Variants in GKAP1 observed in about 807,000 individuals in gnomAD.
GKAP1 encodes G kinase-anchoring protein 1.
Under a neutral mutation model 56.7 loss-of-function variants are expected in GKAP1, and 31 were observed. The observed-to-expected ratio is 0.55, with a 90% CI of 0.41 to 0.74. GKAP1 has a LOEUF of 0.74. Among genes scored for constraint, GKAP1 ranks in the 30% least tolerant of loss-of-function variants. The probability of loss-of-function intolerance (pLI) is 0.00; values close to 1 mark genes in which losing one functional copy is unlikely to be tolerated. For missense variants in GKAP1, 364 were observed against 402.3 expected (o/e 0.90, Z 0.82); for synonymous variants, 151 against 138.6 (o/e 1.09, Z -0.63).
intron 7 of GKAP1, among the ~76,000 whole-genome samples, chr9:83,775,146 G>A (rs1943836265): frequency 6.6e-6 from 1 of 152,030 alleles, no homozygotes; most frequent in African/African-American, 2.4e-5. Flanking sequence ...TGGGACTACA[G>A]GTGTGCACCA....
intron 2 of GKAP1, among the ~76,000 whole-genome samples, chr9:83,815,600 T>A (rs1944572259): frequency 6.8e-6 from 1 of 147,016 alleles, no homozygotes; most frequent in African/African-American, 2.6e-5. Context: ...ACACACACAA[T>A]TATACATATA....
At chr9:83,746,546 C>CA (rs1564187574) in intron 10 of GKAP1, among the ~76,000 whole-genome samples, 1 of 151,884 alleles carries the variant, frequency 6.6e-6, no homozygotes, top group African/African-American at 2.4e-5. Flanking sequence ...AGTAAAAATA[C>CA]AAAAAAATTA....
intron 3 of GKAP1, among the ~76,000 whole-genome samples, chr9:83,801,647 A>C (rs1380097466): frequency 6.6e-6 from 1 of 152,246 alleles, no homozygotes; most frequent in African/African-American, 2.4e-5. Flanking sequence ...CTTTACAGAA[A>C]GTAAAGGCTT....
intron 8 of GKAP1, among the ~76,000 whole-genome samples, chr9:83,755,781 G>A (rs1490448155): frequency 2.0e-5 from 3 of 149,970 alleles, no homozygotes; most frequent in Admixed American, 2.0e-4. Context: ...AGCAAATCCA[G>A]GTTTTATCAA....
At chr9:83,756,507 AAG>A (rs1378338008) in intron 8 of GKAP1, among the ~76,000 whole-genome samples, 1 of 120,878 alleles carries the variant, frequency 8.3e-6, no homozygotes, top group African/African-American at 2.7e-5. Context: ...ACAAAACAAA[AAG>A]AATTAATGTC....
chr9:83,761,804 C>T (rs1943576544), intron 8 of GKAP1, among the ~76,000 whole-genome samples: 1 of 152,150 alleles, frequency 6.6e-6, no homozygotes, highest in African/African-American at 2.4e-5. Context: ...AGGACAAAAA[C>T]CACATGATCA....
At chr9:83,796,352 T>C (rs1176118346) in intron 4 of GKAP1, among the ~76,000 whole-genome samples, 5 of 152,216 alleles carry the variant, frequency 3.3e-5, no homozygotes. Context: ...GCAAAACTTA[T>C]CTCAAATTTT....
At chr9:83,794,706 C>A (rs1306217825) in intron 4 of GKAP1, among the ~76,000 whole-genome samples, 1 of 152,072 alleles carries the variant, frequency 6.6e-6, no homozygotes, top group Non-Finnish European at 1.5e-5. Flanking sequence ...TTTTTTGAGT[C>A]ATGACTTTTA....
intron 4 of GKAP1, among the ~76,000 whole-genome samples, chr9:83,790,435 T>C (rs1030883897): frequency 4.6e-5 from 7 of 152,086 alleles, no homozygotes; most frequent in Non-Finnish European, 7.4e-5. Flanking sequence ...CATGGCAAAC[T>C]GATAATAAAA....
chr9:83,813,452 T>C (rs761135057), intron 2 of GKAP1, among the ~76,000 whole-genome samples: 18 of 152,238 alleles, frequency 1.2e-4, no homozygotes, highest in Non-Finnish European at 2.5e-4. Context: ...TTTGAGTTCC[T>C]TTTAAAAATA....
At chr9:83,781,245 C>A (rs1943966562) in intron 6 of GKAP1, among the ~76,000 whole-genome samples, 1 of 152,176 alleles carries the variant, frequency 6.6e-6, no homozygotes, top group Non-Finnish European at 1.5e-5. Context: ...CACTTGTAAT[C>A]CCAATTACTT....
At chr9:83,800,344 T>TGG (rs1944312172) in intron 3 of GKAP1, among the ~76,000 whole-genome samples, 1 of 114,614 alleles carries the variant, frequency 8.7e-6, no homozygotes, top group African/African-American at 2.8e-5. Flanking sequence ...TTTTTTTTGT[T>TGG]TTTTTTTTTT....
chr9:83,791,882 C>A (rs1022731408), intron 4 of GKAP1, among the ~76,000 whole-genome samples: 1 of 152,008 alleles, frequency 6.6e-6, no homozygotes, highest in African/African-American at 2.4e-5. Flanking sequence ...AATATAGATA[C>A]AATTTGGATA....
At chr9:83,786,029 C>T (rs1343161880) in intron 5 of GKAP1, among the ~76,000 whole-genome samples, 1 of 152,202 alleles carries the variant, frequency 6.6e-6, no homozygotes, top group Non-Finnish European at 1.5e-5. Flanking sequence ...TTGTCTACCT[C>T]ATGAACTTCT....
intron 7 of GKAP1, among the ~76,000 whole-genome samples, chr9:83,777,241 T>C (rs185966576): frequency 6.6e-5 from 10 of 152,292 alleles, no homozygotes; most frequent in Admixed American, 2.0e-4. Context: ...TCAAGACATA[T>C]GATGATCACT....
intron 4 of GKAP1, chr9:83,792,846 G>A (rs905678603): frequency 8.9e-6 from 2 of 224,528 alleles, no homozygotes; most frequent in East Asian, 1.8e-4. Context: ...TTGCGAATGG[G>A]AAGTTCCTTA....
At chr9:83,770,529 TTA>T (rs1407075332) in intron 7 of GKAP1, among the ~76,000 whole-genome samples, 1 of 152,186 alleles carries the variant, frequency 6.6e-6, no homozygotes, top group Non-Finnish European at 1.5e-5. Flanking sequence ...GTCTTGATTA[TTA>T]TAGTTTTATG....
At chr9:83,814,969 C>A (rs193123313) in intron 2 of GKAP1, among the ~76,000 whole-genome samples, 1 of 151,896 alleles carries the variant, frequency 6.6e-6, no homozygotes, top group Non-Finnish European at 1.5e-5. Flanking sequence ...GTCAAGAGAT[C>A]GAGACCATCC....
Position 83,742,593 on chromosome 9 carries a change from A to C in GKAP1, c.912T>G (p.Asp304Glu). 1 of 1,610,528 alleles carries C rather than the reference A, an allele frequency of 6.2e-7. No individual in the cohort carries two copies. The highest frequency in any genetic ancestry group is 8.5e-7 in the Non-Finnish European group (1 of 1,178,238). ...CAACTTGCAGAAGTATTTCTGCCTT[A>C]TCTTTCACTGACAAAAAAGGAAAAA... ...LKMLQEGEMK[D>E]KAEILLQVDE... The change falls in exon 11 of 13, where the codon GAT becomes GAG. Residue 304 changes from aspartate (D) to glutamate (E), a missense_variant. Asp to Glu is a conservative substitution (Grantham distance 45). Transcript: ENST00000376371.
Sources: gnomAD v4.1 joint callset for allele counts (sites outside exome capture counted in the v4.1 genomes callset) on GRCh38, gnomAD v4.1.1 for gene constraint, MANE v1.5 for transcripts, NCBI Gene and HGNC (gene_info 2026-07-23, HGNC 2026-07-21) for gene names.